CAMK1D: variants seen among roughly 807,000 people sequenced by gnomAD.
CAMK1D encodes calcium/calmodulin dependent protein kinase ID.
In CAMK1D, 9 loss-of-function variants were observed where a neutral mutation model predicts 47.7. That is an observed-to-expected ratio of 0.19 (90% CI 0.11 to 0.33). CAMK1D has a LOEUF of 0.33. Ranked by LOEUF, CAMK1D falls within the 10% of genes least tolerant of loss-of-function variation. The pLI is 1.00. For missense variants in CAMK1D, 291 were observed against 488.7 expected (o/e 0.60, Z 3.81); for synonymous variants, 184 against 184.9 (o/e 0.99, Z 0.04).
intron 2 of CAMK1D, among the ~76,000 whole-genome samples, chr10:12,574,011 C>T (rs1275050753): frequency 6.6e-6 from 1 of 151,916 alleles, no homozygotes; most frequent in Non-Finnish European, 1.5e-5. Context: ...TGTATTTTTA[C>T]ATCTGCAGCT....
At chr10:12,720,478 A>C (rs978764386) in intron 3 of CAMK1D, among the ~76,000 whole-genome samples, 2 of 152,204 alleles carry the variant, frequency 1.3e-5, no homozygotes, top group African/African-American at 4.8e-5. Flanking sequence ...TCTTCCAACA[A>C]GTTACTTCTA....
chr10:12,820,357 C>T (rs1832972801), intron 8 of CAMK1D, among the ~76,000 whole-genome samples: 1 of 152,214 alleles, frequency 6.6e-6, no homozygotes, highest in Non-Finnish European at 1.5e-5. Context: ...AAGTCAAACC[C>T]TGGAAAATGA....
chr10:12,607,768 C>T (rs1057379558), intron 2 of CAMK1D, among the ~76,000 whole-genome samples: 3 of 152,098 alleles, frequency 2.0e-5, no homozygotes, highest in African/African-American at 7.2e-5. Context: ...CCAGACCAGC[C>T]TAAGCAACAT....
At chr10:12,435,716 G>A (rs749556781) in intron 1 of CAMK1D, among the ~76,000 whole-genome samples, 4 of 152,168 alleles carry the variant, frequency 2.6e-5, no homozygotes, top group Non-Finnish European at 5.9e-5. Flanking sequence ...AACAGATGAG[G>A]GATGTAGGTC....
At chr10:12,823,853 G>A (rs1392188309) in intron 8 of CAMK1D, among the ~76,000 whole-genome samples, 2 of 151,908 alleles carry the variant, frequency 1.3e-5, no homozygotes, top group East Asian at 1.9e-4. Flanking sequence ...GTGGGTGGGG[G>A]GCATGGGCTC....
At chr10:12,382,155 A>T (rs181143537) in intron 1 of CAMK1D, among the ~76,000 whole-genome samples, 1 of 152,230 alleles carries the variant, frequency 6.6e-6, no homozygotes, top group Admixed American at 6.5e-5. Flanking sequence ...CTGACTGGAC[A>T]TTAAGTGGGG....
chr10:12,702,517 C>T lies in CAMK1D; in HGVS notation c.299+35707C>T, dbSNP rs116217494. 6.2e-3 allele frequency among the ~76,000 whole-genome samples: 948 copies of T among 152,282 alleles called. 7 individuals carry two copies. The highest frequency in any genetic ancestry group is 0.022 in the African/African-American group (899 of 41,552). ...CTGAACAAACAATGATGCAAAAATG[C>T]AAGTTCCTAGGAATAACAGTAGCTA... On this transcript the variant is annotated intron_variant, in intron 3 of 10. Transcript: ENST00000619168.
At chr10:12,773,546 G>T (rs142411433) in intron 5 of CAMK1D, among the ~76,000 whole-genome samples, 46 of 152,146 alleles carry the variant, frequency 3.0e-4, no homozygotes, top group Middle Eastern at 3.4e-3. Context: ...CTGTGGATCC[G>T]CATATTTTGA....
At chr10:12,479,329 T>C (rs1833995016) in intron 1 of CAMK1D, among the ~76,000 whole-genome samples, 1 of 152,124 alleles carries the variant, frequency 6.6e-6, no homozygotes, top group South Asian at 2.1e-4. Context: ...CCCGAGTAGC[T>C]GGGATTGCAG....
intron 3 of CAMK1D, among the ~76,000 whole-genome samples, chr10:12,734,237 G>A (rs574230202): frequency 2.8e-5 from 4 of 144,510 alleles, no homozygotes; most frequent in African/African-American, 1.0e-4. Context: ...CAGGAGAATC[G>A]CTTGAACCTG....
At chr10:12,724,939 G>A (rs560297330) in intron 3 of CAMK1D, among the ~76,000 whole-genome samples, 2 of 152,034 alleles carry the variant, frequency 1.3e-5, no homozygotes, top group Middle Eastern at 3.4e-3. Flanking sequence ...CACCTGAGAT[G>A]TTTGATGTAA....
At chr10:12,810,239 G>A (rs191356533) in intron 6 of CAMK1D, among the ~76,000 whole-genome samples, 179 of 145,840 alleles carry the variant, frequency 1.2e-3, no homozygotes, top group African/African-American at 4.3e-3. Context: ...ACTGCCTGGT[G>A]TCCCATGTGG....
At chr10:12,585,100 C>T (rs1246274456) in intron 2 of CAMK1D, among the ~76,000 whole-genome samples, 13 of 152,220 alleles carry the variant, frequency 8.5e-5, no homozygotes, top group Admixed American at 3.9e-4. Context: ...GTTGCCTCCC[C>T]TACAAAGAGG....
intron 1 of CAMK1D, among the ~76,000 whole-genome samples, chr10:12,521,526 A>G (rs1002203247): frequency 1.3e-5 from 2 of 152,192 alleles, no homozygotes; most frequent in Non-Finnish European, 2.9e-5. Flanking sequence ...TATGTAGTAT[A>G]TCTTGTTGAA....
intron 1 of CAMK1D, among the ~76,000 whole-genome samples, chr10:12,500,517 A>G (rs955218394): frequency 6.6e-6 from 1 of 152,194 alleles, no homozygotes; most frequent in African/African-American, 2.4e-5. Flanking sequence ...TGCCATTGCC[A>G]GGGCTGGGTG....
chr10:12,746,513 A>G (rs1183148451), intron 3 of CAMK1D, among the ~76,000 whole-genome samples: 1 of 152,126 alleles, frequency 6.6e-6, no homozygotes, highest in African/African-American at 2.4e-5. Flanking sequence ...TTCCATCCAC[A>G]TTACAGGAAA....
intron 5 of CAMK1D, 26 bp from the exon 6 acceptor site, chr10:12,791,129 GGCT>G: frequency 6.2e-7 from 1 of 1,610,456 alleles, no homozygotes; most frequent in Non-Finnish European, 8.5e-7. Context: ...TAAATTGTCA[GGCT>G]GTGTCTTTTC....
At chr10:12,503,194 G>T (rs1423985193) in intron 1 of CAMK1D, among the ~76,000 whole-genome samples, 1 of 152,214 alleles carries the variant, frequency 6.6e-6, no homozygotes, top group Non-Finnish European at 1.5e-5. Context: ...GTACGTGTGG[G>T]TGCATATATG....
intron 1 of CAMK1D, among the ~76,000 whole-genome samples, chr10:12,386,520 GTGGCACATCAATATTA>G (rs1838499973): frequency 6.6e-6 from 1 of 151,872 alleles, no homozygotes; most frequent in Non-Finnish European, 1.5e-5. Context: ...AAAATAAACT[GTGGCACATCAATATTA>G]TGGGATACTC....
Sources: allele counts gnomAD v4.1 joint callset (sites outside exome capture counted in the v4.1 genomes callset), GRCh38; gene constraint gnomAD v4.1.1; transcripts MANE v1.5; gene names NCBI Gene and HGNC (gene_info 2026-07-23, HGNC 2026-07-21).